The following XCR1 variants were observed in gnomAD, a reference collection of about 807,000 sequenced individuals.
The protein encoded by XCR1 is chemokine XC receptor 1.
For synonymous variants in XCR1, 187 were observed against 188.5 expected, an observed-to-expected ratio of 0.99 and a Z score of 0.06; for missense variants, 356 against 424.2, an observed-to-expected ratio of 0.84 and a Z score of 1.41.
At chr3:46,075,708 A>G (rs774659523) in intron 2 of XCR1, among the ~76,000 whole-genome samples, 37 of 152,182 alleles carry the variant, frequency 2.4e-4, no homozygotes, top group Non-Finnish European at 2.9e-5. Context: ...CAAACAAAAA[A>G]CAACCAATTC....
intron 4 of XCR1, among the ~76,000 whole-genome samples, chr3:46,057,885 T>C (rs1287157581): frequency 1.5e-5 from 1 of 67,054 alleles, no homozygotes; most frequent in African/African-American, 4.7e-5. Flanking sequence ...TCTGTCTGTC[T>C]ATCTATCTAT....
chr3:46,070,749 A>G (rs1698150416), intron 3 of XCR1, among the ~76,000 whole-genome samples: 1 of 151,922 alleles, frequency 6.6e-6, no homozygotes, highest in South Asian at 2.1e-4. Context: ...TAAGTGGAAC[A>G]TTTAATCCAC....
chr3:46,032,126 G>A (rs563600459), upstream of XCR1, among the ~76,000 whole-genome samples: 2 of 152,364 alleles, frequency 1.3e-5, no homozygotes, highest in East Asian at 3.9e-4. Context: ...CCACCAAATG[G>A]TGACGCTAAA....
chr3:46,064,216 A>G (rs73830722), intron 4 of XCR1, among the ~76,000 whole-genome samples: 1,927 of 152,290 alleles, frequency 0.013, 49 homozygotes, highest in African/African-American at 0.043. Context: ...TTCAACATTG[A>G]CTGAACACAT....
At chr3:46,038,336 C>T (rs1228445730) in intron 5 of XCR1, among the ~76,000 whole-genome samples, 1 of 151,924 alleles carries the variant, frequency 6.6e-6, no homozygotes, top group Admixed American at 6.6e-5. Flanking sequence ...GTTTTTTTAA[C>T]CTCTAGGTAA....
rs528633181 is a variant in XCR1 at position 46,042,819 on chromosome 3, A to G, written c.-32+11101T>C. ...GAGAAGGGAACAGTTCTTAATCTAT[A>G]TCTGTGAGGCCAGCATTACTGTGAT... On this transcript the variant is annotated intron_variant, in intron 5 of 5. Coordinates refer to the XCR1 transcript ENST00000683768. 2.6e-5 allele frequency among the ~76,000 whole-genome samples: 4 copies of G among 152,360 alleles called. No homozygotes were observed. The South Asian group carries it at 8.3e-4, about 32-fold the overall frequency.
At chr3:46,061,309 GCT>G (rs1393685437) in intron 4 of XCR1, among the ~76,000 whole-genome samples, 1 of 152,056 alleles carries the variant, frequency 6.6e-6, no homozygotes, top group Non-Finnish European at 1.5e-5. Context: ...CCAACTGAAT[GCT>G]CAGCAGAGGC....
rs1217910876 is a variant in XCR1 at position 46,048,314 on chromosome 3, C to T, written c.-32+5606G>A. On this transcript the variant is annotated intron_variant, in intron 5 of 5. Coordinates refer to the XCR1 transcript ENST00000683768. ...TGCCTAATATGTTTTTGCTTCTGCA[C>T]AGGAAAACATACCGCACAGGACATT... Among the ~76,000 whole-genome samples the T allele has an allele frequency of 7.2e-5, 11 of 152,140 alleles. No homozygotes were observed. The East Asian group carries it at 2.1e-3, about 29-fold the overall frequency.
chr3:46,035,812 T>C (rs2125896552), intron 5 of XCR1, among the ~76,000 whole-genome samples: 1 of 152,340 alleles, frequency 6.6e-6, no homozygotes, highest in East Asian at 1.9e-4. Context: ...CCTGTTTCAC[T>C]ACGGACACTC....
At chr3:46,056,436 A>T (rs1697852519) in intron 4 of XCR1, among the ~76,000 whole-genome samples, 1 of 151,974 alleles carries the variant, frequency 6.6e-6, no homozygotes, top group Non-Finnish European at 1.5e-5. Flanking sequence ...ACTTGGGGGG[A>T]TGGTACAATT....
At chr3:46,025,019 A>T (rs2125894081) in intron 1 of XCR1, among the ~76,000 whole-genome samples, 1 of 152,350 alleles carries the variant, frequency 6.6e-6, no homozygotes, top group East Asian at 1.9e-4. Flanking sequence ...ATCAGAATTC[A>T]TGAAATGCAA....
At chr3:46,068,179 C>T (rs903443227) in intron 3 of XCR1, among the ~76,000 whole-genome samples, 1 of 152,212 alleles carries the variant, frequency 6.6e-6, no homozygotes, top group South Asian at 2.1e-4. Flanking sequence ...TCTGTGGCAT[C>T]ATTCCTCATA....
At chr3:46,077,430 C>T (rs1358293490) in intron 1 of XCR1, among the ~76,000 whole-genome samples, 1 of 151,786 alleles carries the variant, frequency 6.6e-6, no homozygotes, top group Admixed American at 6.6e-5. Context: ...CCAGATGGGA[C>T]CATCTAGTTG....
intron 4 of XCR1, among the ~76,000 whole-genome samples, chr3:46,065,226 GT>G (rs1484501313): frequency 6.6e-6 from 1 of 152,204 alleles, no homozygotes; most frequent in Non-Finnish European, 1.5e-5. Context: ...GGGGCACTTT[GT>G]TATGTAGCAA....
At position 46,020,696 on chromosome 3, in the gene XCR1, G is replaced by A. The variant is rs2125892298; in HGVS notation, c.*250C>T. On this transcript the variant is annotated 3_prime_UTR_variant, in exon 2 of 2. Coordinates refer to ENST00000309285, the MANE Select transcript of XCR1 (RefSeq NM_001024644.2). ...CATGTCTAAATGAAGGAGCGTGCAA[G>A]ATGAACTCAGAGTTCAAGAAATGTT... 3.0e-5 allele frequency: 17 copies of A among 558,386 alleles called. No homozygotes were observed. The South Asian group carries it at 3.9e-4, about 13-fold the overall frequency. The allele number at this position is 558,386 out of a possible 1,614,324, so 34.6% of individuals were successfully genotyped here.
chr3:46,074,310 A>G (rs764212543), intron 3 of XCR1, among the ~76,000 whole-genome samples: 1 of 144,538 alleles, frequency 6.9e-6, no homozygotes, highest in African/African-American at 2.7e-5. Context: ...TGCAGCCTCA[A>G]CCCCCAAGGC....
At position 46,017,425 on chromosome 3, in the gene XCR1, C is replaced by T. The variant is rs1292372250; in HGVS notation, c.*3521G>A. On this transcript the variant is annotated 3_prime_UTR_variant, in exon 2 of 2. Coordinates refer to ENST00000309285, the MANE Select transcript of XCR1 (RefSeq NM_001024644.2). ...AGATGATGTTTAGGCCGGTGGGCCCCAGACAAGTTCACAAGAAGCTCATGG... is the reference window on the plus strand; with the variant it reads ...AGATGATGTTTAGGCCGGTGGGCCCTAGACAAGTTCACAAGAAGCTCATGG... The T allele has an allele frequency of 6.6e-6, 1 of 152,174 alleles. No individual in the cohort carries two copies. The highest frequency in any genetic ancestry group is 1.5e-5 in the Non-Finnish European group (1 of 68,032). 9.4% of individuals were successfully genotyped at this position (152,174 alleles called of 1,614,324 possible).
In XCR1 at chr3:46,038,016, C is replaced by T. The variant is rs1049445693; in HGVS notation, c.-32+15904G>A. 7.8e-5 allele frequency among the ~76,000 whole-genome samples: 11 copies of T among 140,248 alleles called. No homozygotes were observed. The East Asian group carries it at 8.4e-4, about 11-fold the overall frequency. 92.0% of individuals were successfully genotyped at this position (140,248 alleles called of 152,430 possible). ...AGGAATAAAATATATGTTGTGTGCA[C>T]GGGTTTGTTTTTTGTTTTTTTTTTT... On this transcript the variant is annotated intron_variant, in intron 5 of 5. Transcript: ENST00000683768.
intron 5 of XCR1, among the ~76,000 whole-genome samples, chr3:46,051,259 T>C (rs972411623): frequency 6.6e-6 from 1 of 152,236 alleles, no homozygotes; most frequent in Non-Finnish European, 1.5e-5. Context: ...TCCTGGGTTA[T>C]CAAAGTTTTT....
Sources: allele counts gnomAD v4.1 joint callset (sites outside exome capture counted in the v4.1 genomes callset), GRCh38; gene constraint gnomAD v4.1.1; transcripts MANE v1.5; gene names NCBI Gene and HGNC (gene_info 2026-07-23, HGNC 2026-07-21).